Variants in RGS7 observed in about 807,000 individuals in gnomAD.
The protein encoded by RGS7 is regulator of G-protein signaling 7.
RGS7 carries 27 observed loss-of-function variants against 81.1 expected under a neutral mutation model. That is an observed-to-expected ratio of 0.33 (90% CI 0.25 to 0.46). RGS7 has a LOEUF of 0.46. Among genes scored for constraint, RGS7 ranks in the 20% least tolerant of loss-of-function variants. The probability of loss-of-function intolerance (pLI) is 1.00; values close to 1 mark genes in which losing one functional copy is unlikely to be tolerated. For missense variants in RGS7, 396 were observed against 607.4 expected, an observed-to-expected ratio of 0.65 and a Z score of 3.66; for synonymous variants, 208 against 207.7, an observed-to-expected ratio of 1.00 and a Z score of -0.01.
intron 3 of RGS7, among the ~76,000 whole-genome samples, chr1:240,995,690 T>C (rs1198140328): frequency 7.0e-6 from 1 of 143,438 alleles, no homozygotes; most frequent in African/African-American, 2.5e-5. Context: ...TTCCCGAAAA[T>C]GGCAATTTGT....
rs78250218 is a variant in RGS7, at chr1:241,049,025, C to T, written c.175+49641G>A. ...GTGTTCTCCCCTCTTCTGTCTGTGT[C>T]TTCATCTCCTGTTTGAATAAGGACA... On this transcript the variant is annotated intron_variant, in intron 3 of 18. Transcript: ENST00000440928. 1.8e-3 allele frequency among the ~76,000 whole-genome samples: 276 copies of T among 152,312 alleles called. 1 individual carries two copies. The highest frequency in any genetic ancestry group is 6.4e-3 in the African/African-American group (264 of 41,570).
At chr1:240,782,553 G>A (rs1234255405) in intron 18 of RGS7, among the ~76,000 whole-genome samples, 1 of 152,068 alleles carries the variant, frequency 6.6e-6, no homozygotes, top group Non-Finnish European at 1.5e-5. Context: ...CTCCCGAGTA[G>A]GTGAGACCAC....
At chr1:241,068,013 C>A (rs543355508) in intron 3 of RGS7, among the ~76,000 whole-genome samples, 11 of 151,252 alleles carry the variant, frequency 7.3e-5, no homozygotes, top group African/African-American at 2.7e-4. Context: ...ACCATAAAAC[C>A]AAAGTCCTAC....
intron 2 of RGS7, among the ~76,000 whole-genome samples, chr1:241,293,838 T>G (rs2079229902): frequency 6.6e-6 from 1 of 152,176 alleles, no homozygotes; most frequent in Non-Finnish European, 1.5e-5. Context: ...TTTACAGTGT[T>G]GGTGGGAGTG....
chr1:241,150,836 C>T (rs1332911438), intron 2 of RGS7, among the ~76,000 whole-genome samples: 2 of 151,910 alleles, frequency 1.3e-5, no homozygotes, highest in African/African-American at 4.9e-5. Flanking sequence ...CAGTCCAAGT[C>T]CGAAGGCCTG....
chr1:240,785,062 C>G (rs1194745213), intron 18 of RGS7, among the ~76,000 whole-genome samples: 1 of 152,056 alleles, frequency 6.6e-6, no homozygotes, highest in Non-Finnish European at 1.5e-5. Flanking sequence ...CTTATTGAAC[C>G]AGGGATAGGC....
rs754591532 is a variant in RGS7, at chr1:241,244,118, A to ATG, written c.78+111579_78+111580dup. Among the ~76,000 whole-genome samples, 181 of 151,698 alleles carry ATG rather than the reference A, an allele frequency of 1.2e-3. 1 individual carries two copies. The highest frequency in any genetic ancestry group is 5.3e-4 in the African/African-American group (22 of 41,410). ...GTACATATTATTATTTTCTTAGAAA[A>ATG]TGTGTGTGTGTGTGTACACAGCAAA... On this transcript the variant is annotated intron_variant, in intron 2 of 18. Transcript: ENST00000440928.
chr1:240,974,445 C>T (rs2148522562), intron 4 of RGS7, among the ~76,000 whole-genome samples: 1 of 152,300 alleles, frequency 6.6e-6, no homozygotes, highest in African/African-American at 2.4e-5. Flanking sequence ...GATGCCACTT[C>T]AGTGAATTCC....
intron 2 of RGS7, among the ~76,000 whole-genome samples, chr1:241,108,618 C>T (rs1005403933): frequency 6.6e-6 from 1 of 152,096 alleles, no homozygotes; most frequent in African/African-American, 2.4e-5. Flanking sequence ...ATTTTTATTG[C>T]AGTCAAAGTT....
intron 6 of RGS7, among the ~76,000 whole-genome samples, chr1:240,891,508 T>C (rs1470694988): frequency 1.3e-5 from 2 of 152,130 alleles, no homozygotes; most frequent in African/African-American, 4.8e-5. Context: ...TAAAATATAT[T>C]AAGTAAGAAA....
intron 3 of RGS7, among the ~76,000 whole-genome samples, chr1:241,058,268 C>T (rs564781814): frequency 9.2e-5 from 14 of 152,182 alleles, no homozygotes; most frequent in Non-Finnish European, 1.9e-4. Context: ...ATAAGTACAA[C>T]TCTAGTAAAC....
intron 3 of RGS7, among the ~76,000 whole-genome samples, chr1:241,088,730 A>C (rs1019230362): frequency 2.0e-5 from 3 of 152,030 alleles, no homozygotes; most frequent in African/African-American, 7.2e-5. Context: ...TTAATTAGTA[A>C]GAACCATAAA....
At chr1:240,908,239 C>A (rs187079801) in intron 6 of RGS7, among the ~76,000 whole-genome samples, 1 of 151,562 alleles carries the variant, frequency 6.6e-6, no homozygotes, top group Middle Eastern at 3.4e-3. Flanking sequence ...AGGAGAGATA[C>A]CTAATGTAAA....
chr1:241,313,278 C>A (rs947402755), intron 2 of RGS7, among the ~76,000 whole-genome samples: 1 of 152,216 alleles, frequency 6.6e-6, no homozygotes, highest in African/African-American at 2.4e-5. Flanking sequence ...GATGAAACAG[C>A]CTTCTGTTGG....
intron 2 of RGS7, among the ~76,000 whole-genome samples, chr1:241,141,211 A>G (rs952091669): frequency 2.0e-5 from 3 of 152,120 alleles, no homozygotes; most frequent in Admixed American, 2.0e-4. Flanking sequence ...TGAGATGAGG[A>G]GTGAGGGGAA....
At chr1:241,254,198 C>CAAAAA (rs57205542) in intron 2 of RGS7, among the ~76,000 whole-genome samples, 7 of 64,292 alleles carry the variant, frequency 1.1e-4, no homozygotes, top group East Asian at 4.2e-4. Flanking sequence ...GACTCCATCT[C>CAAAAA]AAAAAAAAAA....
rs147408589 is a variant in RGS7 at position 241,350,250 on chromosome 1, G to A, written c.78+5449C>T. ...TATCATCATGGAAATATCAATGATG[G>A]TCCTATCTTATCTCAGGGTACATGT... On this transcript the variant is annotated intron_variant, in intron 2 of 18. Coordinates refer to ENST00000440928, the MANE Select transcript of RGS7 (RefSeq NM_001364886.1). 1.3e-3 allele frequency among the ~76,000 whole-genome samples: 204 copies of A among 152,182 alleles called. 1 individual carries two copies. The highest frequency in any genetic ancestry group is 4.7e-3 in the African/African-American group (193 of 41,490).
intron 2 of RGS7, among the ~76,000 whole-genome samples, chr1:241,228,332 C>G (rs892089718): frequency 6.6e-6 from 1 of 152,058 alleles, no homozygotes; most frequent in African/African-American, 2.4e-5. Context: ...AAATAACATG[C>G]CCTGTCTAAA....
chr1:241,100,409 A>G (rs990377584), intron 2 of RGS7, among the ~76,000 whole-genome samples: 3 of 151,782 alleles, frequency 2.0e-5, no homozygotes, highest in Non-Finnish European at 4.4e-5. Context: ...TTCCATCAAC[A>G]TAGCTTTAGA....
Sources: allele counts gnomAD v4.1 joint callset (sites outside exome capture counted in the v4.1 genomes callset), GRCh38; gene constraint gnomAD v4.1.1; transcripts MANE v1.5; gene names NCBI Gene and HGNC (gene_info 2026-07-23, HGNC 2026-07-21).